Variants in STS observed in about 807,000 individuals in gnomAD.
STS encodes steryl-sulfatase.
STS carries 7 observed loss-of-function variants against 26.8 expected under a neutral mutation model. That is an observed-to-expected ratio of 0.26 (90% CI 0.15 to 0.49). The LOEUF is 0.49. Among genes scored for constraint, STS ranks in the 20% least tolerant of loss-of-function variants. STS has a pLI of 0.98. For synonymous variants in STS, 199 were observed against 189.4 expected (o/e 1.05, Z -0.42); for missense variants, 434 against 465.6 (o/e 0.93, Z 0.63).
At chrX:7,178,748 C>G (rs1203074790) in intron 1 of STS, among the ~76,000 whole-genome samples, 2 of 111,749 alleles carry the variant, frequency 1.8e-5, no homozygotes, top group African/African-American at 3.3e-5. Flanking sequence ...AACTTGCTTT[C>G]TCTAGTCCTC....
chrX:7,325,277 A>G, intron 8 of STS, 62 bp from the exon 9 acceptor site: 1 of 1,142,654 alleles, frequency 8.8e-7, no homozygotes, highest in Non-Finnish European at 1.2e-6. Flanking sequence ...GAGTCCATTG[A>G]AGTGAGCATT....
intron 7 of STS, among the ~76,000 whole-genome samples, chrX:7,283,245 T>C (rs765117037): frequency 9.0e-6 from 1 of 111,492 alleles, no homozygotes; most frequent in South Asian, 3.8e-4. Context: ...CAGTCCAGCA[T>C]CCAAAGGAAG....
chrX:7,162,950 A>C (rs1341167952), intron 1 of STS, among the ~76,000 whole-genome samples: 4 of 104,582 alleles, frequency 3.8e-5, no homozygotes, highest in African/African-American at 1.4e-4. Flanking sequence ...TCGGCTACTC[A>C]GGAGGCTGAG....
chrX:7,320,196 A>T (rs1030397543), intron 8 of STS, among the ~76,000 whole-genome samples: 1 of 101,205 alleles, frequency 9.9e-6, no homozygotes, highest in Non-Finnish European at 2.0e-5. Context: ...ATAAAATATT[A>T]AAATGTTATG....
chrX:7,324,455 G>C (rs1927270485), intron 8 of STS, among the ~76,000 whole-genome samples: 2 of 111,949 alleles, frequency 1.8e-5, no homozygotes, highest in African/African-American at 6.5e-5. Flanking sequence ...GAAGGAGATT[G>C]TCTACAGAAT....
At chrX:7,258,024 ATGG>A (rs1923515306) in intron 5 of STS, among the ~76,000 whole-genome samples, 3 of 108,627 alleles carry the variant, frequency 2.8e-5, no homozygotes, top group Non-Finnish European at 5.7e-5. Context: ...GGATGGATGG[ATGG>A]ATGGATGGAT....
At chrX:7,310,776 C>T (rs1415470989) in intron 8 of STS, among the ~76,000 whole-genome samples, 1 of 111,389 alleles carries the variant, frequency 9.0e-6, no homozygotes, top group Non-Finnish European at 1.9e-5. Flanking sequence ...TCATCCAAAT[C>T]CAGGACGTCA....
intron 3 of STS, among the ~76,000 whole-genome samples, chrX:7,253,608 T>C (rs1478391558): frequency 1.8e-5 from 2 of 112,196 alleles, no homozygotes; most frequent in Non-Finnish European, 3.8e-5. Context: ...GCTACGATGC[T>C]GCTTTCCACA....
intron 8 of STS, among the ~76,000 whole-genome samples, chrX:7,321,267 T>A (rs1435213382): frequency 9.0e-6 from 1 of 111,160 alleles, no homozygotes; most frequent in Non-Finnish European, 1.9e-5. Context: ...CTCTGGGGCC[T>A]ACTTGAGAGT....
intron 7 of STS, among the ~76,000 whole-genome samples, chrX:7,280,211 A>G (rs1924794498): frequency 9.0e-6 from 1 of 111,443 alleles, no homozygotes; most frequent in Admixed American, 9.6e-5. Context: ...TGATAAGACT[A>G]TAGGTTTAGG....
At chrX:7,273,865 G>C (rs1924403229) in intron 6 of STS, among the ~76,000 whole-genome samples, 1 of 111,290 alleles carries the variant, frequency 9.0e-6, no homozygotes, top group African/African-American at 3.3e-5. Flanking sequence ...TCTTCTACAG[G>C]TCAGGCATGG....
intron 1 of STS, among the ~76,000 whole-genome samples, chrX:7,171,936 C>T (rs1933475741): frequency 8.9e-6 from 1 of 111,798 alleles, no homozygotes; most frequent in Admixed American, 9.5e-5. Flanking sequence ...GTTTATTTTA[C>T]ATTGCATTTA....
intron 8 of STS, among the ~76,000 whole-genome samples, chrX:7,309,164 G>A (rs1169846317): frequency 1.1e-4 from 12 of 111,127 alleles, no homozygotes; most frequent in African/African-American, 3.9e-4. Flanking sequence ...ATGACAGAGT[G>A]GATAAAGAAA....
intron 7 of STS, among the ~76,000 whole-genome samples, chrX:7,287,533 T>G (rs1193221496): frequency 9.0e-6 from 1 of 111,502 alleles, no homozygotes; most frequent in African/African-American, 3.3e-5. Flanking sequence ...TTCTGCAGTT[T>G]TTTCTTTTCG....
chrX:7,155,983 TA>T (rs1473482651), intron 1 of STS, among the ~76,000 whole-genome samples: 6 of 110,065 alleles, frequency 5.5e-5, no homozygotes, highest in African/African-American at 2.0e-4. Context: ...ACCCCATCTC[TA>T]CAAAAAAAAT....
At chrX:7,205,598 CTTTTTCTTTTCTTTTCTTTCG>C (rs1471426018) in intron 2 of STS, among the ~76,000 whole-genome samples, 2 of 90,182 alleles carry the variant, frequency 2.2e-5, no homozygotes, top group Non-Finnish European at 2.2e-5. Flanking sequence ...TTTTCTTTTT[CTTTTTCTTTTCTTTTCTTTCG>C]TTTTCTTTTC....
chrX:7,276,212 G>T (rs924853734), intron 7 of STS, 125 bp downstream of exon 7: 6 of 905,068 alleles, frequency 6.6e-6, no homozygotes, highest in African/African-American at 4.0e-5. Context: ...GGGGTTTTTT[G>T]AAAGTAACCA....
chrX:7,220,002 C>T (rs1463780368), intron 2 of STS, among the ~76,000 whole-genome samples: 1 of 112,264 alleles, frequency 8.9e-6, no homozygotes, highest in African/African-American at 3.2e-5. Context: ...TAATTATCAT[C>T]TTCCTATCAA....
intron 7 of STS, among the ~76,000 whole-genome samples, chrX:7,290,088 G>GA (rs1701552519): frequency 1.8e-5 from 2 of 112,042 alleles, no homozygotes; most frequent in African/African-American, 6.5e-5. Context: ...AAAGAGGGAA[G>GA]AGAAATACAA....
Sources: gnomAD v4.1 joint callset for allele counts (sites outside exome capture counted in the v4.1 genomes callset) on GRCh38, gnomAD v4.1.1 for gene constraint, MANE v1.5 for transcripts, NCBI Gene and HGNC (gene_info 2026-07-23, HGNC 2026-07-21) for gene names.